GRIK2: variants seen among roughly 807,000 people sequenced by gnomAD.
GRIK2 encodes glutamate ionotropic receptor kainate type subunit 2, also known as glutamate receptor ionotropic, kainate 2.
A neutral mutation model predicts 100.3 loss-of-function variants in GRIK2; 32 were observed. The ratio of observed to expected loss-of-function variants is 0.32; its 90% confidence interval spans 0.24 to 0.43. The LOEUF is 0.43. Among genes scored for constraint, GRIK2 ranks in the 20% least tolerant of loss-of-function variants. The pLI, the probability that GRIK2 is intolerant of heterozygous loss-of-function variation, is 1.00. For synonymous variants in GRIK2, 417 were observed against 389.4 expected (o/e 1.07, Z -0.83); for missense variants, 843 against 1,114.9 (o/e 0.76, Z 3.47).
At chr6:101,525,554 C>T (rs559880019) in intron 2 of GRIK2, among the ~76,000 whole-genome samples, 3 of 152,256 alleles carry the variant, frequency 2.0e-5, no homozygotes, top group African/African-American at 7.2e-5. Flanking sequence ...GTTAACAATT[C>T]TCTCCTTATT....
chr6:101,436,972 A>G (rs1769753913), intron 2 of GRIK2, among the ~76,000 whole-genome samples: 1 of 151,204 alleles, frequency 6.6e-6, no homozygotes, highest in Non-Finnish European at 1.5e-5. Flanking sequence ...TCTAGTTTAC[A>G]GTTATGTATT....
In GRIK2 at chr6:101,857,056, A is replaced by C. The variant is rs112401246; in HGVS notation, c.1318-2231A>C. ...TGAATGACAGCAATTGTAGAGAGAG[A>C]GAGCCTGGTCTAGCAGGGTGGAATG... On this transcript the variant is annotated intron_variant, in intron 10 of 16. Coordinates refer to ENST00000369134, the MANE Select transcript of GRIK2 (RefSeq NM_021956.5). 2.0e-3 allele frequency among the ~76,000 whole-genome samples: 298 copies of C among 152,298 alleles called. 3 individuals are homozygous for C. The highest frequency in any genetic ancestry group is 6.6e-3 in the African/African-American group (276 of 41,544).
chr6:101,486,682 C>A (rs1316907066), intron 2 of GRIK2, among the ~76,000 whole-genome samples: 1 of 148,392 alleles, frequency 6.7e-6, no homozygotes, highest in Admixed American at 6.7e-5. Context: ...CACTTTTCAA[C>A]ATCAATAAAT....
intron 2 of GRIK2, among the ~76,000 whole-genome samples, chr6:101,506,389 A>G (rs1392066186): frequency 6.6e-6 from 1 of 152,160 alleles, no homozygotes; most frequent in East Asian, 1.9e-4. Context: ...ATTGAACCCT[A>G]TAGAATATTT....
intron 4 of GRIK2, among the ~76,000 whole-genome samples, chr6:101,662,028 C>A (rs550477216): frequency 6.6e-6 from 1 of 152,324 alleles, no homozygotes; most frequent in South Asian, 2.1e-4. Flanking sequence ...TCACAGAATA[C>A]TCCAGCTTCC....
chr6:101,890,235 C>T (rs1383169109), intron 12 of GRIK2: 1 of 159,672 alleles, frequency 6.3e-6, no homozygotes, highest in African/African-American at 2.4e-5. Flanking sequence ...ATAAGAAAAA[C>T]CAAAGTACTA....
Position 102,046,677 on chromosome 6 carries a change from T to C in GRIK2, c.2312-8653T>C, listed in dbSNP as rs7356881. On this transcript the variant is annotated intron_variant, in intron 15 of 16. Transcript: ENST00000369134. The stretch of plus-strand genomic sequence containing the variant: ...TCTCAAGTGGTTCTTTATAGCAGTG[T>C]GCAAATGGACTATTAAAACTTTATA... Among the ~76,000 whole-genome samples the C allele has an allele frequency of 3.2e-3, 494 of 152,238 alleles. 4 individuals carry two copies. Among genetic ancestry groups the C allele is most frequent in the African/African-American group, 0.012 (479 of 41,560 alleles).
chr6:101,957,892 T>C (rs1376629594), intron 14 of GRIK2, among the ~76,000 whole-genome samples: 5 of 152,126 alleles, frequency 3.3e-5, no homozygotes, highest in Non-Finnish European at 5.9e-5. Flanking sequence ...TCTATGTGTC[T>C]CTATTTATAC....
intron 14 of GRIK2, among the ~76,000 whole-genome samples, chr6:101,995,162 C>T (rs1260117790): frequency 1.3e-5 from 2 of 151,810 alleles, no homozygotes; most frequent in Non-Finnish European, 2.9e-5. Context: ...TTTGACATGC[C>T]AGCCATCACA....
At chr6:102,012,470 A>G (rs961894021) in intron 14 of GRIK2, among the ~76,000 whole-genome samples, 1 of 152,170 alleles carries the variant, frequency 6.6e-6, no homozygotes, top group Non-Finnish European at 1.5e-5. Flanking sequence ...GAGTCTTCCT[A>G]TCCATGAACA....
intron 12 of GRIK2, among the ~76,000 whole-genome samples, chr6:101,899,161 A>G (rs1353604386): frequency 1.3e-5 from 2 of 150,828 alleles, no homozygotes; most frequent in African/African-American, 4.8e-5. Flanking sequence ...GGGAATTTCA[A>G]TATCTTTGGA....
intron 6 of GRIK2, among the ~76,000 whole-genome samples, chr6:101,684,732 T>C (rs1771548537): frequency 6.6e-6 from 1 of 151,814 alleles, no homozygotes; most frequent in South Asian, 2.1e-4. Flanking sequence ...TTTTTTTTTT[T>C]TTTGCTTTGG....
intron 4 of GRIK2, among the ~76,000 whole-genome samples, chr6:101,646,369 A>G (rs543495937): frequency 6.6e-6 from 1 of 152,066 alleles, no homozygotes; most frequent in Non-Finnish European, 1.5e-5. Context: ...AGATTTACAT[A>G]TGTTGCTGAA....
At chr6:101,651,534 C>T (rs1422337557) in intron 4 of GRIK2, among the ~76,000 whole-genome samples, 1 of 151,854 alleles carries the variant, frequency 6.6e-6, no homozygotes, top group East Asian at 1.9e-4. Context: ...GCGATAAGTG[C>T]AACAGAAAAA....
chr6:101,869,598 A>C (rs1785262068), intron 11 of GRIK2, among the ~76,000 whole-genome samples: 1 of 151,916 alleles, frequency 6.6e-6, no homozygotes, highest in African/African-American at 2.4e-5. Context: ...TGGATCATTG[A>C]AAATCAGAAG....
chr6:101,553,816 T>C (rs1776619116), intron 2 of GRIK2, among the ~76,000 whole-genome samples: 1 of 152,174 alleles, frequency 6.6e-6, no homozygotes, highest in Non-Finnish European at 1.5e-5. Flanking sequence ...GTTAAAGTAA[T>C]AAGAACAAAG....
intron 10 of GRIK2, among the ~76,000 whole-genome samples, chr6:101,837,566 A>C (rs751965019): frequency 8.5e-5 from 13 of 152,264 alleles, no homozygotes; most frequent in South Asian, 6.2e-4. Context: ...AAAAAAGAAA[A>C]AGGGAAAATA....
chr6:101,601,215 T>C (rs1779198663), intron 2 of GRIK2, among the ~76,000 whole-genome samples: 1 of 151,850 alleles, frequency 6.6e-6, no homozygotes, highest in Non-Finnish European at 1.5e-5. Flanking sequence ...GTTTTAAATC[T>C]TTTTATATGG....
chr6:102,057,562 C>T (rs1034064650), intron 16 of GRIK2, among the ~76,000 whole-genome samples: 5 of 151,886 alleles, frequency 3.3e-5, no homozygotes, highest in Admixed American at 2.0e-4. Flanking sequence ...AACAATGAAG[C>T]ATTAACATTG....
Sources: allele counts gnomAD v4.1 joint callset (sites outside exome capture counted in the v4.1 genomes callset), GRCh38; gene constraint gnomAD v4.1.1; transcripts MANE v1.5; gene names NCBI Gene and HGNC (gene_info 2026-07-23, HGNC 2026-07-21).